Variants in BATF3 observed in about 807,000 individuals in gnomAD.
BATF3 encodes the protein basic leucine zipper transcriptional factor ATF-like 3.
In BATF3, 8 loss-of-function variants were observed where a neutral mutation model predicts 16.1. The observed-to-expected ratio is 0.50, with a 90% CI of 0.29 to 0.90. The LOEUF is 0.90. BATF3 is among the 40% of genes least tolerant of loss of function. The probability of loss-of-function intolerance (pLI) is 0.08; values close to 1 mark genes in which losing one functional copy is unlikely to be tolerated. For missense variants in BATF3, 139 were observed against 167.0 expected (o/e 0.83, Z 0.92); for synonymous variants, 74 against 72.7 (o/e 1.02, Z -0.09).
Position 212,699,636 on chromosome 1 carries a change from G to T in BATF3, c.90+37C>A. 1 of 1,268,644 alleles carries T rather than the reference G, an allele frequency of 7.9e-7. No homozygotes were observed. The highest frequency in any genetic ancestry group is 1.0e-6 in the Non-Finnish European group (1 of 1,004,828). 78.6% of individuals were successfully genotyped at this position (1,268,644 alleles called of 1,614,324 possible). On this transcript the variant is annotated intron_variant, in intron 1 of 2. Coordinates refer to ENST00000243440, the MANE Select transcript of BATF3 (RefSeq NM_018664.3). This position sits in a 1 kb window ranked among gnomAD's most constrained non-coding sequence, Gnocchi z 4.4. ...CGCCCCCCGCGGCGCGCCGGTCCCC[G>T]CACCCCACGGCCCTCCCTGAGCCTC...
chr1:212,686,496 A>T lies in BATF3; in HGVS notation c.*295T>A, dbSNP rs1656852451. 1 of 384,106 alleles carries T rather than the reference A, an allele frequency of 2.6e-6. No individual in the cohort carries two copies. The highest frequency in any genetic ancestry group is 2.0e-5 in the African/African-American group (1 of 50,436). The allele number at this position is 384,106 out of a possible 1,614,324, so 23.8% of individuals were successfully genotyped here. On this transcript the variant is annotated 3_prime_UTR_variant, in exon 3 of 3. Transcript: ENST00000243440. ...AGACAATAAGCATCTTTATTATCCA[A>T]ATTCTAGAGGAAATGGCTCTGCATA...
chr1:212,686,986 G>T lies in BATF3; in HGVS notation c.196-7C>A. 6.5e-7 allele frequency: 1 copy of T among 1,550,220 alleles called. No individual in the cohort carries two copies. Among genetic ancestry groups the T allele is most frequent in the South Asian group, 1.1e-5 (1 of 89,876 alleles). On this transcript the variant is annotated splice_region_variant and splice_polypyrimidine_tract_variant and intron_variant, in intron 2 of 2. Transcript: ENST00000243440. The stretch of plus-strand genomic sequence containing the variant: ...GCTCCAGGCTCTCATATTCCTGGGG[G>T]AGACAGAATGGGCAAAATCATTTCT...
chr1:212,696,934 G>C, intron 2 of BATF3, 27 bp downstream of exon 2: 2 of 1,580,686 alleles, frequency 1.3e-6, no homozygotes, highest in South Asian at 1.1e-5. Context: ...GTGGCTCTAA[G>C]GTGGCTTGCC....
rs570897458 is a variant in BATF3, at chr1:212,699,259, C to T, written c.90+414G>A. 2.0e-5 allele frequency among the ~76,000 whole-genome samples: 3 copies of T among 152,152 alleles called. No homozygotes were observed. Among genetic ancestry groups the T allele is most frequent in the African/African-American group, 7.2e-5 (3 of 41,446 alleles). On this transcript the variant is annotated intron_variant, in intron 1 of 2. Coordinates refer to ENST00000243440, the MANE Select transcript of BATF3 (RefSeq NM_018664.3). The surrounding 1 kb of genome is among the most constrained non-coding windows in gnomAD (Gnocchi z 4.4). ...CGTTCTCCATTCCCGCGGCAGCACC[C>T]CCCCCACCCGGGGGAATCCTGGAGG... is the stretch of plus-strand genomic sequence containing the variant.
At chr1:212,695,956 G>A (rs1284829318) in intron 2 of BATF3, among the ~76,000 whole-genome samples, 2 of 152,090 alleles carry the variant, frequency 1.3e-5, no homozygotes, top group African/African-American at 2.4e-5. Flanking sequence ...CAGGGTAAAC[G>A]GACAATAACA....
chr1:212,693,519 CAGAG>C (rs1215010668), intron 2 of BATF3, among the ~76,000 whole-genome samples: 1 of 152,128 alleles, frequency 6.6e-6, no homozygotes, highest in African/African-American at 2.4e-5. Flanking sequence ...TTCAGCCCCA[CAGAG>C]AGAGAGGAGA....
intron 2 of BATF3, among the ~76,000 whole-genome samples, chr1:212,695,350 T>C (rs1015673601): frequency 6.6e-6 from 1 of 151,178 alleles, no homozygotes; most frequent in African/African-American, 2.4e-5. Context: ...AAAAATTAGG[T>C]GGGTGTAGTG....
Position 212,697,069 on chromosome 1 carries a change from G to A in BATF3, c.91-4C>T, listed in dbSNP as rs767870271. 2.4e-5 allele frequency: 38 copies of A among 1,611,788 alleles called. No individual in the cohort carries two copies. The highest frequency in any genetic ancestry group is 3.3e-5 in the Admixed American group (2 of 59,990). On this transcript the variant is annotated splice_polypyrimidine_tract_variant and splice_region_variant and intron_variant, in intron 1 of 2. Transcript: ENST00000243440. ...TCCTGTCATCATCCTCAGGGCTCTG[G>A]GGAAAAACACTGGGTGGGTGTGATG...
intron 2 of BATF3, among the ~76,000 whole-genome samples, chr1:212,695,068 G>A (rs897157310): frequency 2.6e-5 from 4 of 152,258 alleles, no homozygotes; most frequent in Admixed American, 1.3e-4. Flanking sequence ...TTGCTGAGAC[G>A]AGCATGGCAG....
intron 2 of BATF3, among the ~76,000 whole-genome samples, chr1:212,693,233 C>T (rs149961248): frequency 6.6e-6 from 1 of 152,220 alleles, no homozygotes; most frequent in African/African-American, 2.4e-5. Flanking sequence ...AGGGATTACT[C>T]ACGTGGTGAG....
Position 212,699,700 on chromosome 1 carries a change from G to A in BATF3, c.63C>T (p.Asn21=), listed in dbSNP as rs1429224460. 7.4e-7 allele frequency: 1 copy of A among 1,349,308 alleles called. No homozygotes were observed. Among genetic ancestry groups the A allele is most frequent in the Admixed American group, 3.1e-5 (1 of 32,786 alleles). The allele number at this position is 1,349,308 out of a possible 1,614,324, so 83.6% of individuals were successfully genotyped here. ...GCTGCTGCGGCTGCGGCTGCGGCTG[G>A]TTCCCGGGCGCCGCGACGCTCCTCT... ...VLQRSVAAPG[N]QPQPQPQQQS... Residue 21 remains asparagine (N), a synonymous_variant, in exon 1 of 3, where the codon AAC becomes AAT. Coordinates refer to ENST00000243440, the MANE Select transcript of BATF3 (RefSeq NM_018664.3). This position sits in a 1 kb window ranked among gnomAD's most constrained non-coding sequence, Gnocchi z 4.4.
intron 2 of BATF3, among the ~76,000 whole-genome samples, chr1:212,690,963 G>A: frequency 6.6e-6 from 1 of 152,204 alleles, no homozygotes; most frequent in East Asian, 1.9e-4. Flanking sequence ...AGCTGGTCGG[G>A]GGTGCTACTA....
Position 212,686,487 on chromosome 1 carries a change from T to C in BATF3, c.*304A>G. 2.8e-6 allele frequency: 1 copy of C among 361,182 alleles called. No homozygotes were observed. The highest frequency in any genetic ancestry group is 5.1e-6 in the Non-Finnish European group (1 of 196,966). The allele number at this position is 361,182 out of a possible 1,614,324, so 22.4% of individuals were successfully genotyped here. A position where few individuals can be genotyped will look rare whatever the true frequency, so the allele number is the denominator to read the frequency against. ...AGAAGGGAGAGACAATAAGCATCTT[T>C]ATTATCCAAATTCTAGAGGAAATGG... On this transcript the variant is annotated 3_prime_UTR_variant, in exon 3 of 3. Coordinates refer to ENST00000243440, the MANE Select transcript of BATF3 (RefSeq NM_018664.3).
rs754795890 is a variant in BATF3, at chr1:212,686,423, A to G, written c.*368T>C. ...GAAGACAGAAGACGACCTCTCCAGG[A>G]AAAGGAAGTGTATTGTGCCTGTAAA... On this transcript the variant is annotated 3_prime_UTR_variant, in exon 3 of 3. Transcript: ENST00000243440. The G allele has an allele frequency of 3.0e-5, 6 of 197,800 alleles. No homozygotes were observed. Among genetic ancestry groups the G allele is most frequent in the Admixed American group, 5.3e-5 (1 of 18,934 alleles). The allele number at this position is 197,800 out of a possible 1,614,324, so 12.3% of individuals were successfully genotyped here. A position where few individuals can be genotyped will look rare whatever the true frequency, so the allele number is the denominator to read the frequency against.
In BATF3 at chr1:212,689,860, CACAG is replaced by C. The variant is rs1272365916; in HGVS notation, c.196-2885_196-2882del. Among the ~76,000 whole-genome samples the C allele has an allele frequency of 4.1e-5, 6 of 147,052 alleles. No homozygotes were observed. Among genetic ancestry groups the C allele is most frequent in the Admixed American group, 6.7e-5 (1 of 14,940 alleles). ...ACTCATACACAACCACAGACACACA[CACAG>C]ATACACACAGTCACACACACATCTG... On this transcript the variant is annotated intron_variant, in intron 2 of 2. Transcript: ENST00000243440. The surrounding 1 kb of genome is among the most constrained non-coding windows in gnomAD (Gnocchi z 4.6).
At chr1:212,697,142 G>A (rs1014722894) in intron 1 of BATF3, 77 bp from the exon 2 acceptor site, 59 of 1,150,658 alleles carry the variant, frequency 5.1e-5, no homozygotes, top group South Asian at 1.7e-4. Context: ...ATCACTCAGC[G>A]TTGTTCACTG....
rs1365720493 is a variant in BATF3, at chr1:212,699,544, C to G, written c.90+129G>C. ...TCCCTACGCCCCTACCTCTGCTTGT[C>G]TCCGGCCGCACCCGCCACCTCTGCA... is the stretch of plus-strand genomic sequence containing the variant. On this transcript the variant is annotated intron_variant, in intron 1 of 2. Transcript: ENST00000243440. The surrounding 1 kb of genome is among the most constrained non-coding windows in gnomAD (Gnocchi z 4.4). 3 of 685,966 alleles carry G rather than the reference C, an allele frequency of 4.4e-6. No individual in the cohort carries two copies. Among genetic ancestry groups the G allele is most frequent in the Non-Finnish European group, 6.1e-6 (3 of 494,096 alleles). The allele number at this position is 685,966 out of a possible 1,614,324, so 42.5% of individuals were successfully genotyped here.
rs1349610664 is a variant in BATF3, at chr1:212,689,761, A to T, written c.196-2782T>A. 6.6e-6 allele frequency among the ~76,000 whole-genome samples: 1 copy of T among 151,586 alleles called. No individual in the cohort carries two copies. Among genetic ancestry groups the T allele is most frequent in the Non-Finnish European group, 1.5e-5 (1 of 67,876 alleles). On this transcript the variant is annotated intron_variant, in intron 2 of 2. Coordinates refer to ENST00000243440, the MANE Select transcript of BATF3 (RefSeq NM_018664.3). This position sits in a 1 kb window ranked among gnomAD's most constrained non-coding sequence, Gnocchi z 4.6. ...CTCTTACACACATACACATATACAC[A>T]CACTCACACACGTCCGCAAACACAC... is the stretch of plus-strand genomic sequence containing the variant.
intron 2 of BATF3, among the ~76,000 whole-genome samples, chr1:212,690,723 A>C (rs888009152): frequency 6.6e-6 from 1 of 152,224 alleles, no homozygotes; most frequent in Non-Finnish European, 1.5e-5. Context: ...GAATTCTGCC[A>C]AGTTCCAAAT....
Sources: gnomAD v4.1 joint callset for allele counts (sites outside exome capture counted in the v4.1 genomes callset) on GRCh38, gnomAD v4.1.1 for gene constraint, Gnocchi (gnomAD v3.1) non-coding constraint, MANE v1.5 for transcripts, NCBI Gene and HGNC (gene_info 2026-07-23, HGNC 2026-07-21) for gene names.